PDE4D: variants seen among roughly 807,000 people sequenced by gnomAD.
PDE4D encodes the protein phosphodiesterase 4D.
PDE4D carries 24 observed loss-of-function variants against 87.4 expected under a neutral mutation model. The ratio of observed to expected loss-of-function variants is 0.27; its 90% confidence interval spans 0.20 to 0.39. PDE4D has a LOEUF of 0.39. Ranked by LOEUF, PDE4D falls within the 10% of genes least tolerant of loss-of-function variation. PDE4D has a pLI of 1.00. For missense variants in PDE4D, 714 were observed against 1,041.0 expected, an observed-to-expected ratio of 0.69 and a Z score of 4.32; for synonymous variants, 384 against 383.2, an observed-to-expected ratio of 1.00 and a Z score of -0.02.
chr5:59,882,350 T>C (rs13168097), intron 1 of PDE4D, among the ~76,000 whole-genome samples: 8,636 of 152,164 alleles, frequency 0.057, 322 homozygotes, highest in African/African-American at 0.1. Flanking sequence ...GTGGGAATGA[T>C]TGAGTGGTAG....
At chr5:59,314,428 A>G (rs1013154789) in intron 1 of PDE4D, 4 of 152,118 alleles carry the variant, frequency 2.6e-5, no homozygotes, top group African/African-American at 9.7e-5. Context: ...GGATTCAGTT[A>G]TCATAAAGTC....
intron 5 of PDE4D, among the ~76,000 whole-genome samples, chr5:59,115,471 T>C (rs1580873237): frequency 1.3e-5 from 2 of 152,276 alleles, no homozygotes; most frequent in East Asian, 3.9e-4. Flanking sequence ...CAGCCTTTCT[T>C]AATTTGCTTC....
intron 1 of PDE4D, among the ~76,000 whole-genome samples, chr5:60,410,712 T>C (rs148510644): frequency 1.3e-5 from 2 of 152,224 alleles, no homozygotes; most frequent in South Asian, 4.1e-4. Context: ...AGTCTAAGGT[T>C]AAGCAACTTT....
In PDE4D at chr5:59,781,784, C is replaced by CAA. The variant is rs58613622; in HGVS notation, c.455+111382_455+111383dup. Among the ~76,000 whole-genome samples the CAA allele has an allele frequency of 3.2e-3, 126 of 39,868 alleles. 7 individuals carry two copies. Among genetic ancestry groups the CAA allele is most frequent in the East Asian group, 9.2e-3 (6 of 652 alleles). 26.2% of individuals were successfully genotyped at this position (39,868 alleles called of 152,430 possible). On this transcript the variant is annotated intron_variant, in intron 1 of 14. Coordinates refer to ENST00000340635, the MANE Select transcript of PDE4D (RefSeq NM_001104631.2). The stretch of plus-strand genomic sequence containing the variant: ...TGGGCGACAGAGCGACACTCCATCT[C>CAA]AAAAAAAAAAAAAAAAAAAAAAAAA...
intron 5 of PDE4D, among the ~76,000 whole-genome samples, chr5:59,108,539 C>T (rs1772009892): frequency 6.6e-6 from 1 of 152,056 alleles, no homozygotes; most frequent in Non-Finnish European, 1.5e-5. Context: ...AAAGGCTGAA[C>T]ATAGGGTGAT....
rs183327106 is a variant in PDE4D, at chr5:59,451,892, T to A, written c.456-235924A>T. Among the ~76,000 whole-genome samples the A allele has an allele frequency of 7.9e-5, 12 of 152,342 alleles. No individual in the cohort carries two copies. In the East Asian group the frequency reaches 2.3e-3, roughly 29 times the overall value. On this transcript the variant is annotated intron_variant, in intron 1 of 14. Transcript: ENST00000340635. ...TCAAACATTCTTGACCTTCTTTCTC[T>A]TGTATGTCACATTCCAGTTGTCTAC...
chr5:60,397,249 T>A (rs1333824842), intron 1 of PDE4D, among the ~76,000 whole-genome samples: 2 of 152,100 alleles, frequency 1.3e-5, no homozygotes, highest in Admixed American at 6.5e-5. Flanking sequence ...TCTCAAAAAA[T>A]TAAAAATAGA....
intron 1 of PDE4D, among the ~76,000 whole-genome samples, chr5:60,452,862 C>A (rs745830191): frequency 6.6e-6 from 1 of 151,856 alleles, no homozygotes; most frequent in Admixed American, 6.6e-5. Context: ...CTATACACAC[C>A]CCAGAAAAAC....
At chr5:60,260,936 C>A (rs1749582713) in intron 1 of PDE4D, among the ~76,000 whole-genome samples, 1 of 152,082 alleles carries the variant, frequency 6.6e-6, no homozygotes. Context: ...CCTTACAAGA[C>A]AGCCTGTGAG....
intron 2 of PDE4D, among the ~76,000 whole-genome samples, chr5:60,058,424 C>A (rs547512988): frequency 6.6e-6 from 1 of 151,754 alleles, no homozygotes; most frequent in African/African-American, 2.4e-5. Context: ...TAATAACATC[C>A]CCATAAGGAT....
intron 1 of PDE4D, among the ~76,000 whole-genome samples, chr5:59,413,952 ATC>A (rs1241487248): frequency 6.6e-6 from 1 of 152,232 alleles, no homozygotes; most frequent in Non-Finnish European, 1.5e-5. Context: ...ACATATATAT[ATC>A]TGTGCATATC....
chr5:59,999,543 A>AAAAAAAAAAAAG (rs1763835296), intron 2 of PDE4D, among the ~76,000 whole-genome samples: 1 of 31,736 alleles, frequency 3.2e-5, no homozygotes. Context: ...AAAAAAAAAC[A>AAAAAAAAAAAAG]AAACAAAACT....
rs76690657 is a variant in PDE4D at position 60,142,365 on chromosome 5, T to C, written c.42+43192A>G. On this transcript the variant is annotated intron_variant, in intron 2 of 16. Coordinates refer to the PDE4D transcript ENST00000502484. ...CAAGCAGTCTTTTAGGTAGGTATTATTGTTCTCATTTTATGAATAAAAGAA... is the reference window on the plus strand; with the variant it reads ...CAAGCAGTCTTTTAGGTAGGTATTACTGTTCTCATTTTATGAATAAAAGAA... Among the ~76,000 whole-genome samples the C allele has an allele frequency of 7.4e-3, 1,134 of 152,358 alleles. 12 individuals are homozygous for C. Among genetic ancestry groups the C allele is most frequent in the African/African-American group, 0.026 (1,080 of 41,586 alleles).
chr5:59,711,658 T>A (rs1754215777), intron 1 of PDE4D, among the ~76,000 whole-genome samples: 1 of 152,160 alleles, frequency 6.6e-6, no homozygotes, highest in Admixed American at 6.6e-5. Flanking sequence ...TAATACAAGA[T>A]CTGCTCTTTA....
intron 2 of PDE4D, among the ~76,000 whole-genome samples, chr5:60,096,676 A>G (rs1016759623): frequency 5.9e-5 from 9 of 152,122 alleles, no homozygotes; most frequent in African/African-American, 2.2e-4. Flanking sequence ...TACTCTTACA[A>G]GTCACTGAAT....
intron 2 of PDE4D, among the ~76,000 whole-genome samples, chr5:60,177,770 A>G (rs1001000376): frequency 1.3e-5 from 2 of 152,178 alleles, no homozygotes; most frequent in South Asian, 4.1e-4. Flanking sequence ...TACTCCTCTC[A>G]TGTTACACAT....
intron 2 of PDE4D, among the ~76,000 whole-genome samples, chr5:60,021,998 C>T (rs1766114547): frequency 6.6e-6 from 1 of 152,172 alleles, no homozygotes; most frequent in Non-Finnish European, 1.5e-5. Flanking sequence ...CAGGTGTGAG[C>T]CATCACACCT....
chr5:59,629,259 C>G (rs1025261979), intron 1 of PDE4D, among the ~76,000 whole-genome samples: 1 of 152,052 alleles, frequency 6.6e-6, no homozygotes. Flanking sequence ...AATGTTGAAG[C>G]CTAACCTCTC....
intron 4 of PDE4D, among the ~76,000 whole-genome samples, chr5:59,181,151 C>A (rs1376504495): frequency 6.6e-6 from 1 of 152,056 alleles, no homozygotes; most frequent in Admixed American, 6.6e-5. Context: ...TTGAAAAACA[C>A]CTCTGATATA....
Sources: gnomAD v4.1 joint callset for allele counts (sites outside exome capture counted in the v4.1 genomes callset) on GRCh38, gnomAD v4.1.1 for gene constraint, MANE v1.5 for transcripts, NCBI Gene and HGNC (gene_info 2026-07-23, HGNC 2026-07-21) for gene names.